AP5M1: variants seen among roughly 807,000 people sequenced by gnomAD.
AP5M1 encodes the protein AP-5 complex subunit mu-1.
AP5M1 carries 44 observed loss-of-function variants against 52.3 expected under a neutral mutation model. That is an observed-to-expected ratio of 0.84 (90% CI 0.66 to 1.08). The LOEUF (loss-of-function observed/expected upper bound fraction) is 1.08, where lower values mean the gene tolerates loss of function less well. Ranked by LOEUF, AP5M1 falls within the 50% of genes least tolerant of loss-of-function variation. The pLI is 0.00. For missense variants in AP5M1, 526 were observed against 568.4 expected, an observed-to-expected ratio of 0.93 and a Z score of 0.76; for synonymous variants, 213 against 199.0, an observed-to-expected ratio of 1.07 and a Z score of -0.59.
chr14:57,293,579 G>A lies in AP5M1; in HGVS notation c.*4695G>A, dbSNP rs935277358. 1.3e-5 allele frequency: 2 copies of A among 151,586 alleles called. No individual in the cohort carries two copies. Among genetic ancestry groups the A allele is most frequent in the African/African-American group, 4.8e-5 (2 of 41,336 alleles). The allele number at this position is 151,586 out of a possible 1,614,324, so 9.4% of individuals were successfully genotyped here. A position where few individuals can be genotyped will look rare whatever the true frequency, so the allele number is the denominator to read the frequency against. On this transcript the variant is annotated 3_prime_UTR_variant, in exon 8 of 8. Coordinates refer to ENST00000261558, the MANE Select transcript of AP5M1 (RefSeq NM_018229.4). ...CGGATCAGGAAAAATACAAGATAAC[G>A]GCATTCTATAAAGATAGAGGGCAGG...
rs184508188 is a variant in AP5M1 at position 57,288,658 on chromosome 14, G to A, written c.1391-144G>A. 2,096 of 565,050 alleles carry A rather than the reference G, an allele frequency of 3.7e-3. 11 individuals carry two copies. The highest frequency in any genetic ancestry group is 4.0e-3 in the Non-Finnish European group (1,264 of 316,872). The allele number at this position is 565,050 out of a possible 1,614,324, so 35.0% of individuals were successfully genotyped here. A position where few individuals can be genotyped will look rare whatever the true frequency, so the allele number is the denominator to read the frequency against. ...GTAAAATGGTAAAAGTTATAATAAAGTCTTGATAATATGAAATTAAAATGA... is the reference window on the plus strand; with the variant it reads ...GTAAAATGGTAAAAGTTATAATAAAATCTTGATAATATGAAATTAAAATGA... On this transcript the variant is annotated intron_variant, in intron 7 of 7. Transcript: ENST00000261558.
chr14:57,296,527 C>T lies in AP5M1; in HGVS notation c.*7643C>T, dbSNP rs1247489145. 2.6e-5 allele frequency: 4 copies of T among 152,028 alleles called. No homozygotes were observed. Among genetic ancestry groups the T allele is most frequent in the East Asian group, 3.9e-4 (2 of 5,184 alleles). The allele number at this position is 152,028 out of a possible 1,614,324, so 9.4% of individuals were successfully genotyped here. On this transcript the variant is annotated 3_prime_UTR_variant, in exon 8 of 8. Transcript: ENST00000261558. ...TTAATCTAAAATAAAGTAGATGCCACGCTTCTAATTCTGCTTTTGCTAAGG... is the reference window on the plus strand; with the variant it reads ...TTAATCTAAAATAAAGTAGATGCCATGCTTCTAATTCTGCTTTTGCTAAGG...
intron 2 of AP5M1, among the ~76,000 whole-genome samples, chr14:57,275,736 C>A (rs1885018500): frequency 6.6e-6 from 1 of 152,096 alleles, no homozygotes; most frequent in Non-Finnish European, 1.5e-5. Flanking sequence ...TGTTGAAGGG[C>A]TCTTATTTAA....
rs1885520486 is a variant in AP5M1 at position 57,295,044 on chromosome 14, A to T, written c.*6160A>T. ...AACTAGAAAGAGCATTTGAAGAGCA[A>T]AAGGCAAAGGTTCCATCACCATCCT... On this transcript the variant is annotated 3_prime_UTR_variant, in exon 8 of 8. Coordinates refer to ENST00000261558, the MANE Select transcript of AP5M1 (RefSeq NM_018229.4). 6.6e-6 allele frequency: 1 copy of T among 151,924 alleles called. No homozygotes were observed. The highest frequency in any genetic ancestry group is 1.5e-5 in the Non-Finnish European group (1 of 67,866). The allele number at this position is 151,924 out of a possible 1,614,324, so 9.4% of individuals were successfully genotyped here.
chr14:57,280,783 G>A (rs1885153820), intron 3 of AP5M1, among the ~76,000 whole-genome samples: 1 of 151,888 alleles, frequency 6.6e-6, no homozygotes, highest in Non-Finnish European at 1.5e-5. Context: ...CCCAGGTGGC[G>A]GAGGTTGCGG....
At chr14:57,277,236 A>G (rs1281332838) in intron 2 of AP5M1, among the ~76,000 whole-genome samples, 1 of 152,098 alleles carries the variant, frequency 6.6e-6, no homozygotes, top group Non-Finnish European at 1.5e-5. Flanking sequence ...GATGTTCTCA[A>G]CCTATAGTAA....
intron 1 of AP5M1, 141 bp downstream of exon 1, chr14:57,269,529 C>T: frequency 1.4e-6 from 1 of 718,798 alleles, no homozygotes. Context: ...TCTGTTTCGT[C>T]TGTTAAATGG....
At chr14:57,275,698 A>G (rs776539253) in intron 2 of AP5M1, among the ~76,000 whole-genome samples, 8 of 152,190 alleles carry the variant, frequency 5.3e-5, no homozygotes, top group Admixed American at 1.3e-4. Flanking sequence ...GAGGGATGAA[A>G]TTGACATCTC....
At chr14:57,278,199 C>G (rs996850252) in intron 2 of AP5M1, among the ~76,000 whole-genome samples, 4 of 152,126 alleles carry the variant, frequency 2.6e-5, no homozygotes, top group African/African-American at 9.7e-5. Flanking sequence ...ATAAAGATGT[C>G]TAATATAGAA....
Position 57,274,397 on chromosome 14 carries a change from A to C in AP5M1, c.228A>C (p.Ser76=), listed in dbSNP as rs201278202. The C allele has an allele frequency of 6.8e-6, 11 of 1,614,182 alleles. No homozygotes were observed. In the Admixed American group the frequency reaches 1.7e-4, roughly 24 times the overall value. Residue 76 remains serine, a synonymous_variant, in exon 2 of 8, where the codon TCA becomes TCC. Coordinates refer to ENST00000261558, the MANE Select transcript of AP5M1 (RefSeq NM_018229.4). ...TCGTTGAGAGTCGTGATAGCTGTTC[A>C]CGCATCAATAAAACATCCATTTATG... is the stretch of plus-strand genomic sequence containing the variant. ...KDFVESRDSC[S]RINKTSIYGL... is the part of the protein sequence containing the mutation.
chr14:57,288,691 A>G (rs1343268480), intron 7 of AP5M1, 111 bp from the exon 8 acceptor site: 4 of 662,712 alleles, frequency 6.0e-6, no homozygotes, highest in African/African-American at 3.7e-5. Context: ...TGAATATTTC[A>G]AAGTATTGAC....
intron 3 of AP5M1, 84 bp downstream of exon 3, chr14:57,280,506 A>G (rs1290410252): frequency 1.4e-5 from 13 of 923,168 alleles, no homozygotes; most frequent in Non-Finnish European, 2.2e-5. Context: ...TACTCTTGGT[A>G]TGAGAACTTA....
chr14:57,284,021 T>C (rs1056722181), intron 6 of AP5M1, among the ~76,000 whole-genome samples: 1 of 152,012 alleles, frequency 6.6e-6, no homozygotes, highest in Admixed American at 6.6e-5. Context: ...ATACAGAAAA[T>C]AGAAGATGTA....
intron 6 of AP5M1, among the ~76,000 whole-genome samples, chr14:57,285,129 A>G (rs556135323): frequency 6.6e-6 from 1 of 152,318 alleles, no homozygotes; most frequent in South Asian, 2.1e-4. Context: ...TATTAAAGAC[A>G]TCAAGAGAAA....
rs910585952 is a variant in AP5M1 at position 57,288,935 on chromosome 14, C to T, written c.*51C>T. 4 of 1,137,428 alleles carry T rather than the reference C, an allele frequency of 3.5e-6. No homozygotes were observed. Among genetic ancestry groups the T allele is most frequent in the Non-Finnish European group, 5.1e-6 (4 of 786,888 alleles). The allele number at this position is 1,137,428 out of a possible 1,614,324, so 70.5% of individuals were successfully genotyped here. ...ATAATGATAACAGTTTAAAGAAAAT[C>T]ATAATCTTATATTTTTAATGTGGAT... On this transcript the variant is annotated 3_prime_UTR_variant, in exon 8 of 8. Transcript: ENST00000261558.
intron 7 of AP5M1, chr14:57,286,522 A>T (rs1343655569): frequency 2.2e-6 from 1 of 461,748 alleles, no homozygotes; most frequent in Admixed American, 3.9e-5. Context: ...AGTGGTCTGG[A>T]TAAGCAAAGA....
chr14:57,290,448 C>T lies in AP5M1; in HGVS notation c.*1564C>T, dbSNP rs1458716883. The T allele has an allele frequency of 6.6e-6, 1 of 151,886 alleles. No homozygotes were observed. The highest frequency in any genetic ancestry group is 1.5e-5 in the Non-Finnish European group (1 of 67,892). The allele number at this position is 151,886 out of a possible 1,614,324, so 9.4% of individuals were successfully genotyped here. A position where few individuals can be genotyped will look rare whatever the true frequency, so the allele number is the denominator to read the frequency against. ...CTTAAACTCAAAGCTTAACATTTCA[C>T]TTATGTTGATAAGTTAATGGTAATG... is the stretch of plus-strand genomic sequence containing the variant. On this transcript the variant is annotated 3_prime_UTR_variant, in exon 8 of 8. Coordinates refer to ENST00000261558, the MANE Select transcript of AP5M1 (RefSeq NM_018229.4).
Position 57,269,158 on chromosome 14 carries a change from A to C in AP5M1, c.-157A>C, listed in dbSNP as rs1884808019. ...GCGACTCAGAAGCGTTAGTGACTTC[A>C]CCTAAAAAAGCTAACCTCTCTGCTG... On this transcript the variant is annotated 5_prime_UTR_variant, in exon 1 of 8. Transcript: ENST00000261558. 6.1e-6 allele frequency: 4 copies of C among 657,418 alleles called. No individual in the cohort carries two copies. Among genetic ancestry groups the C allele is most frequent in the Non-Finnish European group, 1.1e-5 (4 of 378,442 alleles). The allele number at this position is 657,418 out of a possible 1,614,324, so 40.7% of individuals were successfully genotyped here. A position where few individuals can be genotyped will look rare whatever the true frequency, so the allele number is the denominator to read the frequency against.
intron 2 of AP5M1, among the ~76,000 whole-genome samples, chr14:57,277,726 C>T (rs1885074822): frequency 6.6e-6 from 1 of 150,868 alleles, no homozygotes; most frequent in South Asian, 2.1e-4. Flanking sequence ...AAAAGTGAAA[C>T]ATTTCACATT....
Sources: gnomAD v4.1 joint callset for allele counts (sites outside exome capture counted in the v4.1 genomes callset) on GRCh38, gnomAD v4.1.1 for gene constraint, MANE v1.5 for transcripts, NCBI Gene and HGNC (gene_info 2026-07-23, HGNC 2026-07-21) for gene names.